STXBP6: variants seen among roughly 807,000 people sequenced by gnomAD.
STXBP6 encodes syntaxin-binding protein 6.
A neutral mutation model predicts 26.9 loss-of-function variants in STXBP6; 21 were observed. The ratio of observed to expected loss-of-function variants is 0.78; its 90% CI spans 0.55 to 1.12. The LOEUF (loss-of-function observed/expected upper bound fraction) is 1.12. Among genes scored for constraint, STXBP6 ranks in the 50% most tolerant of loss-of-function variants. The pLI is 0.00. For missense variants in STXBP6, 232 were observed against 257.9 expected (o/e 0.90, Z 0.69); for synonymous variants, 97 against 92.6 (o/e 1.05, Z -0.27).
At chr14:24,823,109 T>C (rs187277876) in intron 4 of STXBP6, among the ~76,000 whole-genome samples, 1 of 152,314 alleles carries the variant, frequency 6.6e-6, no homozygotes, top group East Asian at 1.9e-4. Flanking sequence ...TCTCTGGAGA[T>C]AGAGCAGAGA....
At chr14:24,899,803 A>AAAAAAAAAAAAAAGC (rs2071145086) in intron 2 of STXBP6, among the ~76,000 whole-genome samples, 1 of 80,118 alleles carries the variant, frequency 1.2e-5, no homozygotes, top group South Asian at 5.5e-4. Context: ...AAAAAAAGCA[A>AAAAAAAAAAAAAAGC]AAAAAAAAAA....
intron 1 of STXBP6, among the ~76,000 whole-genome samples, chr14:24,987,486 G>A (rs2074362411): frequency 6.6e-6 from 1 of 152,212 alleles, no homozygotes; most frequent in African/African-American, 2.4e-5. Flanking sequence ...GGGGTGTCCT[G>A]ATTCTTGAAA....
chr14:24,838,095 G>C (rs2068673665), intron 4 of STXBP6, among the ~76,000 whole-genome samples: 2 of 152,100 alleles, frequency 1.3e-5, no homozygotes, highest in Non-Finnish European at 2.9e-5. Context: ...TGCAGTACAC[G>C]ATCTCAGTGC....
chr14:25,049,957 C>A lies in STXBP6; in HGVS notation c.-112G>T, dbSNP rs2075781151. 1.2e-6 allele frequency: 1 copy of A among 868,552 alleles called. No homozygotes were observed. 53.8% of individuals were successfully genotyped at this position (868,552 alleles called of 1,614,324 possible). On this transcript the variant is annotated 5_prime_UTR_variant, in exon 1 of 6. Coordinates refer to ENST00000323944, the MANE Select transcript of STXBP6 (RefSeq NM_001394410.1). This position sits in a 1 kb window ranked among gnomAD's most constrained non-coding sequence, Gnocchi z 5.6. ...CACGAGGCTCCTCCCCGGGGGGCTG[C>A]CCCGCGCGGGGCTCCGGGCTCCGGA... is the stretch of plus-strand genomic sequence containing the variant.
intron 1 of STXBP6, among the ~76,000 whole-genome samples, chr14:25,003,979 T>TA (rs2140344372): frequency 6.6e-6 from 1 of 152,362 alleles, no homozygotes; most frequent in Non-Finnish European, 1.5e-5. Context: ...ACATAATATA[T>TA]AAAGCACTGT....
intron 4 of STXBP6, among the ~76,000 whole-genome samples, chr14:24,838,886 C>G (rs1168017201): frequency 6.6e-6 from 1 of 151,988 alleles, no homozygotes; most frequent in Admixed American, 6.6e-5. Flanking sequence ...TTGAAAATTT[C>G]TAAGAGATTT....
chr14:24,872,460 G>A (rs1219626661), intron 2 of STXBP6, among the ~76,000 whole-genome samples: 1 of 152,130 alleles, frequency 6.6e-6, no homozygotes, highest in Non-Finnish European at 1.5e-5. Context: ...AGGCACTTGA[G>A]ACCCTGTATA....
Position 24,991,850 on chromosome 14 carries a change from G to A in STXBP6, c.-32-17000C>T, listed in dbSNP as rs932670757. Among the ~76,000 whole-genome samples the A allele has an allele frequency of 4.6e-5, 7 of 152,160 alleles. No homozygotes were observed. The East Asian group carries it at 5.8e-4, about 13-fold the overall frequency. On this transcript the variant is annotated intron_variant, in intron 1 of 5. Coordinates refer to ENST00000323944, the MANE Select transcript of STXBP6 (RefSeq NM_001394410.1). ...CACACAGGAATTCTGACTAGAGAGCGGTAGACGGCCCACCAAGCCTCACAG... is the reference window on the plus strand; with the variant it reads ...CACACAGGAATTCTGACTAGAGAGCAGTAGACGGCCCACCAAGCCTCACAG...
At chr14:24,818,463 G>A (rs892514690) in intron 5 of STXBP6, among the ~76,000 whole-genome samples, 5 of 152,110 alleles carry the variant, frequency 3.3e-5, no homozygotes, top group African/African-American at 1.2e-4. Flanking sequence ...ACAGCTCAGC[G>A]CTGGTCCGGT....
chr14:24,920,910 A>G (rs1182347708), intron 2 of STXBP6, among the ~76,000 whole-genome samples: 1 of 152,134 alleles, frequency 6.6e-6, no homozygotes, highest in African/African-American at 2.4e-5. Flanking sequence ...GGATAGTAGC[A>G]CATGCTATGA....
chr14:24,841,683 C>T (rs1410069056), intron 4 of STXBP6, among the ~76,000 whole-genome samples: 1 of 152,108 alleles, frequency 6.6e-6, no homozygotes, highest in African/African-American at 2.4e-5. Flanking sequence ...CCTGGCCAGT[C>T]TAGAGTTTAT....
intron 2 of STXBP6, among the ~76,000 whole-genome samples, chr14:24,962,022 C>G (rs1372951242): frequency 6.6e-6 from 1 of 152,122 alleles, no homozygotes; most frequent in African/African-American, 2.4e-5. Flanking sequence ...CTGAACCAGA[C>G]CAAATGCATG....
chr14:24,875,777 C>T (rs2070118697), intron 2 of STXBP6, among the ~76,000 whole-genome samples: 4 of 152,100 alleles, frequency 2.6e-5, no homozygotes, highest in Non-Finnish European at 5.9e-5. Context: ...AAAATATTTA[C>T]TGTGTGCATA....
At chr14:24,923,830 A>T (rs2072067602) in intron 2 of STXBP6, among the ~76,000 whole-genome samples, 1 of 152,146 alleles carries the variant, frequency 6.6e-6, no homozygotes, top group African/African-American at 2.4e-5. Context: ...TTTCAGTTAC[A>T]CAAGGTTGCA....
At chr14:24,923,088 T>A (rs943043759) in intron 2 of STXBP6, among the ~76,000 whole-genome samples, 7 of 152,120 alleles carry the variant, frequency 4.6e-5, no homozygotes, top group African/African-American at 1.7e-4. Flanking sequence ...TCTCCATGCA[T>A]CTATTTGTGA....
At chr14:24,952,203 A>G (rs1353329980) in intron 2 of STXBP6, among the ~76,000 whole-genome samples, 1 of 151,472 alleles carries the variant, frequency 6.6e-6, no homozygotes, top group Non-Finnish European at 1.5e-5. Flanking sequence ...AATTTTTAAT[A>G]AAAATATTTA....
chr14:24,831,233 GCTT>G (rs796651948), intron 4 of STXBP6, among the ~76,000 whole-genome samples: 9 of 152,242 alleles, frequency 5.9e-5, no homozygotes, highest in African/African-American at 2.2e-4. Context: ...AGAAGTTTGT[GCTT>G]CTTCATTTCC....
chr14:24,979,128 T>C (rs2074121843), intron 1 of STXBP6, among the ~76,000 whole-genome samples: 1 of 152,240 alleles, frequency 6.6e-6, no homozygotes, highest in African/African-American at 2.4e-5. Flanking sequence ...AACAGTGCCA[T>C]CTATTTAGCT....
intron 2 of STXBP6, among the ~76,000 whole-genome samples, chr14:24,956,182 G>T (rs1188258338): frequency 1.3e-5 from 2 of 148,658 alleles, no homozygotes; most frequent in Non-Finnish European, 3.0e-5. Flanking sequence ...AATTAAGGGA[G>T]AAAAAAAAAA....
Sources: gnomAD v4.1 joint callset for allele counts (sites outside exome capture counted in the v4.1 genomes callset) on GRCh38, gnomAD v4.1.1 for gene constraint, Gnocchi (gnomAD v3.1) non-coding constraint, MANE v1.5 for transcripts, NCBI Gene and HGNC (gene_info 2026-07-23, HGNC 2026-07-21) for gene names.